GPAT2: variants seen among roughly 807,000 people sequenced by gnomAD.
GPAT2 encodes glycerol-3-phosphate acyltransferase 2, mitochondrial.
A neutral mutation model predicts 71.0 loss-of-function variants in GPAT2; 51 were observed. The observed-to-expected ratio is 0.72, with a 90% CI of 0.57 to 0.91. GPAT2 has a LOEUF of 0.91. GPAT2 is among the 40% of genes least tolerant of loss of function. GPAT2 has a pLI of 0.00. For missense variants in GPAT2, 511 were observed against 666.0 expected (o/e 0.77, Z 2.56); for synonymous variants, 222 against 290.3 (o/e 0.76, Z 2.39).
At chr2:96,022,500 A>G (rs973134627) in intron 21 of GPAT2, among the ~76,000 whole-genome samples, 168 bp downstream of exon 21, 10 of 152,132 alleles carry the variant, frequency 6.6e-5, no homozygotes, top group East Asian at 1.9e-4. Flanking sequence ...ACCTTCTCCA[A>G]CCCATCACCA....
chr2:96,025,274 T>C (rs1680272107), intron 13 of GPAT2: 1 of 653,842 alleles, frequency 1.5e-6, no homozygotes, highest in African/African-American at 1.8e-5. Context: ...CCACCATCTT[T>C]GTGCATGCAC....
In GPAT2 at chr2:96,032,068, C is replaced by G. The variant is rs200043110; in HGVS notation, c.142G>C (p.Gly48Arg). Residue 48 changes from glycine (G) to arginine (R), a missense_variant, in exon 3 of 22, where the codon GGT becomes CGT. Physicochemically the swap from Gly to Arg is moderately radical, Grantham distance 125. Around this residue, in one of 7 missense-constraint regions of GPAT2, gnomAD observed 21 missense variants for 71.6 expected, o/e 0.29. Coordinates refer to ENST00000434632, the MANE Select transcript of GPAT2 (RefSeq NM_001321527.2). ...PFLGKYRPFV[G>R]RCCQTCTPKS... Reference sequence around the variant, plus strand: ...GGGGTGCAGGTCTGGCAACAGCGACCCACAAAGGGGCGATACTTCCCCAGG... The same window carrying G: ...GGGGTGCAGGTCTGGCAACAGCGACGCACAAAGGGGCGATACTTCCCCAGG... The G allele has an allele frequency of 1.3e-6, 2 of 1,542,316 alleles. No individual in the cohort carries two copies. Among genetic ancestry groups the G allele is most frequent in the South Asian group, 2.2e-5 (2 of 90,438 alleles).
At chr2:96,024,888 A>T (rs1680220540) in intron 13 of GPAT2, 45 bp from the exon 14 acceptor site, 1 of 1,602,068 alleles carries the variant, frequency 6.2e-7, no homozygotes, top group Admixed American at 1.7e-5. Flanking sequence ...GTTGAGGCCC[A>T]GCAGCCTGGT....
Position 96,026,214 on chromosome 2 carries a change from C to G in GPAT2, c.1124G>C (p.Arg375Pro), listed in dbSNP as rs763632875. The change falls in exon 11 of 22, where the codon CGG (arginine) becomes CCG (proline). Residue 375 changes from arginine (R) to proline (P), a missense_variant. This residue lies in a region of GPAT2 where 79 missense variants were observed against 111.4 expected (regional missense o/e 0.71). Coordinates refer to ENST00000434632, the MANE Select transcript of GPAT2 (RefSeq NM_001321527.2). ...RWGCSHRICS[R>P]VHLAQPFSLQ... ...GGAAAAGGGCTGAGCTAGGTGCACC[C>G]GGGAGCAGATCCGGTGGCTGCAGCC... is the stretch of plus-strand genomic sequence containing the variant. 6.2e-7 allele frequency: 1 copy of G among 1,611,736 alleles called. No individual in the cohort carries two copies. The highest frequency in any genetic ancestry group is 2.2e-5 in the East Asian group (1 of 44,874).
At position 96,026,177 on chromosome 2, in the gene GPAT2, C is replaced by G. The variant is rs199885632; in HGVS notation, c.1155+6G>C. 6.9e-4 allele frequency: 1,101 copies of G among 1,601,690 alleles called. No homozygotes were observed. The highest frequency in any genetic ancestry group is 8.9e-4 in the Non-Finnish European group (1,044 of 1,173,832). ...TACTCCCAGCCTTCCCCAGCTGGCT[C>G]CATACCTGCAGGGAAAAGGGCTGAG... On this transcript the variant is annotated splice_donor_region_variant and intron_variant, in intron 11 of 21. Coordinates refer to ENST00000434632, the MANE Select transcript of GPAT2 (RefSeq NM_001321527.2).
intron 17 of GPAT2, 64 bp downstream of exon 17, chr2:96,023,859 A>G: frequency 6.5e-7 from 1 of 1,540,340 alleles, no homozygotes. Flanking sequence ...GCTGGCACTC[A>G]GGGTGGGAGG....
At chr2:96,030,604 TTAA>T in intron 5 of GPAT2, 70 bp from the exon 6 acceptor site, 1 of 793,472 alleles carries the variant, frequency 1.3e-6, no homozygotes, top group Non-Finnish European at 1.8e-6. Flanking sequence ...ACTCTCCTCC[TTAA>T]GGAAGGGTTC....
chr2:96,024,233 G>T lies in GPAT2; in HGVS notation c.1792C>A (p.Leu598Met). ...LSQNELYRQI[L>M]LLMHLLPQDL... is the part of the protein sequence containing the mutation. Reference sequence around the variant, plus strand: ...TGCGGCAGCAGGTGCATCAGCAGCAGGATCTGGCGGTACAGCTCATTCTGG... The same window carrying T: ...TGCGGCAGCAGGTGCATCAGCAGCATGATCTGGCGGTACAGCTCATTCTGG... The change falls in exon 16 of 22, where the codon CTG (leucine) becomes ATG (methionine). Residue 598 changes from leucine (L) to methionine (M), a missense_variant. Around this residue, in one of 7 missense-constraint regions of GPAT2, gnomAD observed 295 missense variants for 305.5 expected, o/e 0.97. Coordinates refer to ENST00000434632, the MANE Select transcript of GPAT2 (RefSeq NM_001321527.2). 6.5e-7 allele frequency: 1 copy of T among 1,548,614 alleles called. No homozygotes were observed.
At chr2:96,023,283 T>C (rs1679927721) in intron 18 of GPAT2, 26 bp downstream of exon 18, 2 of 1,613,902 alleles carry the variant, frequency 1.2e-6, no homozygotes, top group Non-Finnish European at 1.7e-6. Context: ...ACCACCTCCC[T>C]CCAGGGGCAG....
chr2:96,022,325 A>C (rs1417182845), intron 21 of GPAT2, 50 bp from the exon 22 acceptor site: 10 of 1,518,558 alleles, frequency 6.6e-6, no homozygotes, highest in South Asian at 3.8e-5. Flanking sequence ...GGGACTGTGT[A>C]CACATGGCCC....
At chr2:96,022,578 G>A in intron 21 of GPAT2, 90 bp downstream of exon 21, 4 of 1,314,802 alleles carry the variant, frequency 3.0e-6, no homozygotes, top group Non-Finnish European at 4.4e-6. Flanking sequence ...CCAGCCCTGT[G>A]GAGTGATGGG....
intron 12 of GPAT2, 151 bp downstream of exon 12, chr2:96,025,779 G>A (rs1680332642): frequency 1.7e-6 from 2 of 1,195,320 alleles, no homozygotes; most frequent in African/African-American, 1.5e-5. Context: ...CACTCAGACT[G>A]TTGGCAAGGC....
At position 96,024,669 on chromosome 2, in the gene GPAT2, T is replaced by C. The variant is rs1487459816; in HGVS notation, c.1445A>G (p.Gln482Arg). ...CAGCCAGGAGAACTCCCCCAGGAGCTGCGACAGGAACACACCCTGGGTGGG... is the reference window on the plus strand; with the variant it reads ...CAGCCAGGAGAACTCCCCCAGGAGCCGCGACAGGAACACACCCTGGGTGGG... ...FKHQKGVFLS[Q>R]LLGEFSWLTE... is the part of the protein sequence containing the mutation. Residue 482 changes from glutamine to arginine, a missense_variant, in exon 15 of 22, where the codon CAG (glutamine) becomes CGG (arginine). Transcript: ENST00000434632. 1 of 1,613,702 alleles carries C rather than the reference T, an allele frequency of 6.2e-7. No homozygotes were observed. Among genetic ancestry groups the C allele is most frequent in the Non-Finnish European group, 8.5e-7 (1 of 1,179,902 alleles).
chr2:96,022,860 G>A (rs1181266824), intron 20 of GPAT2, 98 bp downstream of exon 20: 3 of 1,611,874 alleles, frequency 1.9e-6, no homozygotes, highest in Admixed American at 1.7e-5. Flanking sequence ...TCTGCAGCCT[G>A]CCTTCCTAGA....
intron 1 of GPAT2, among the ~76,000 whole-genome samples, chr2:96,034,123 C>T (rs1257744459): frequency 2.2e-5 from 3 of 137,816 alleles, no homozygotes; most frequent in African/African-American, 7.9e-5. Flanking sequence ...TTTGACTACA[C>T]AACGTGCTAA....
chr2:96,025,551 G>T lies in GPAT2; in HGVS notation c.1291C>A (p.Pro431Thr). The T allele has an allele frequency of 4.5e-6, 7 of 1,569,044 alleles. No homozygotes were observed. The highest frequency in any genetic ancestry group is 6.0e-6 in the Non-Finnish European group (7 of 1,157,602). ...TCCTCTTCCTTGAGGGCCAGGAGAG[G>T]CCCAGTTATGGGGGTCCACTCCTGC... ...KEQEWTPITG[P>T]LLALKEEDQL... is the part of the protein sequence containing the mutation. Residue 431 changes from proline to threonine, a missense_variant, in exon 13 of 22, where the codon CCT (proline) becomes ACT (threonine). By Grantham distance (38) the Pro-to-Thr change is conservative (BLOSUM62 -1). Around this residue, in one of 7 missense-constraint regions of GPAT2, gnomAD observed 79 missense variants for 111.4 expected, o/e 0.71. Coordinates refer to ENST00000434632, the MANE Select transcript of GPAT2 (RefSeq NM_001321527.2).
intron 12 of GPAT2, 150 bp downstream of exon 12, chr2:96,025,780 T>C: frequency 8.4e-7 from 1 of 1,193,694 alleles, no homozygotes; most frequent in East Asian, 2.5e-5. Context: ...ACTCAGACTG[T>C]TGGCAAGGCG....
chr2:96,023,967 C>G lies in GPAT2; in HGVS notation c.1870G>C (p.Val624Leu). 6.2e-7 allele frequency: 1 copy of G among 1,607,036 alleles called. No homozygotes were observed. The highest frequency in any genetic ancestry group is 8.5e-7 in the Non-Finnish European group (1 of 1,177,046). Residue 624 changes from valine to leucine, a missense_variant, in exon 17 of 22, where the codon GTG (valine) becomes CTG (leucine). This residue lies in a region of GPAT2 where 295 missense variants were observed against 305.5 expected (regional missense o/e 0.97). Transcript: ENST00000434632. ...CCGCATTGGATGAGCCGGTCCAGCA[C>G]CTCCTGACAGTAGCAGTAGGAAGAC... ...CQSSYCYCQE[V>L]LDRLIQCGLL... is the part of the protein sequence containing the mutation.
chr2:96,022,446 G>T (rs1395749543), intron 21 of GPAT2, among the ~76,000 whole-genome samples, 171 bp from the exon 22 acceptor site: 1 of 152,208 alleles, frequency 6.6e-6, no homozygotes, highest in African/African-American at 2.4e-5. Flanking sequence ...CACCTAGAAA[G>T]ATGAGCCAGT....
Sources: gnomAD v4.1 joint callset for allele counts (sites outside exome capture counted in the v4.1 genomes callset) on GRCh38, gnomAD v4.1.1 for gene constraint, gnomAD v4.1.1 regional missense constraint, MANE v1.5 for transcripts, NCBI Gene and HGNC (gene_info 2026-07-23, HGNC 2026-07-21) for gene names.